Variants in ORMDL2 observed in about 807,000 individuals in gnomAD.
ORMDL2 encodes ORMDL sphingolipid biosynthesis regulator 2.
In ORMDL2, 11 loss-of-function variants were observed where a neutral mutation model predicts 13.5. The observed-to-expected ratio is 0.82, with a 90% confidence interval of 0.51 to 1.35. ORMDL2 has a LOEUF of 1.35. ORMDL2 is among the 40% of genes most tolerant of loss of function. ORMDL2 has a pLI of 0.00. For synonymous variants in ORMDL2, 73 were observed against 76.5 expected (o/e 0.95, Z 0.24); for missense variants, 160 against 191.1 (o/e 0.84, Z 0.96).
Position 55,820,315 on chromosome 12 carries a change from A to G in ORMDL2, c.382A>G (p.Thr128Ala), listed in dbSNP as rs927816786. 2 of 1,613,796 alleles carry G rather than the reference A, an allele frequency of 1.2e-6. No homozygotes were observed. Among genetic ancestry groups the G allele is most frequent in the African/African-American group, 2.7e-5 (2 of 74,880 alleles). The change falls in exon 4 of 4, where the codon ACA (threonine) becomes GCA (alanine). Residue 128 changes from threonine to alanine, a missense_variant. Thr to Ala is a moderately conservative substitution (Grantham distance 58). Transcript: ENST00000243045. The part of the protein sequence containing the change: ...KYDAAHFLIN[T>A]ASLLSVLLPK... ...TGATGCTGCGCACTTCCTCATCAAC[A>G]CAGCCTCATTGCTAAGTGTACTGCT... is the stretch of plus-strand genomic sequence containing the variant.
In ORMDL2 at chr12:55,819,462, C is replaced by G; in HGVS notation, c.295C>G (p.Arg99Gly). Residue 99 changes from arginine (R) to glycine (G), a missense_variant, in exon 3 of 4, where the codon CGC (arginine) becomes GGC (glycine). Coordinates refer to ENST00000243045, the MANE Select transcript of ORMDL2 (RefSeq NM_014182.5). ...MDYGLQFTSS[R>G]KFLSISPIVL... ...CTATGGGCTCCAGTTTACCTCTTCC[C>G]GCAAGTTCCTCAGCATCTCTCCTAT... The G allele has an allele frequency of 6.2e-7, 1 of 1,614,030 alleles. No homozygotes were observed. The highest frequency in any genetic ancestry group is 1.1e-5 in the South Asian group (1 of 91,086).
At chr12:55,819,630 A>G in intron 3 of ORMDL2, 137 bp downstream of exon 3, 1 of 723,406 alleles carries the variant, frequency 1.4e-6, no homozygotes, top group Non-Finnish European at 2.3e-6. Flanking sequence ...TACTAGTTCT[A>G]AGCCTACAGA....
At chr12:55,818,966 C>A in intron 1 of ORMDL2, 33 bp from the exon 2 acceptor site, 1 of 1,596,320 alleles carries the variant, frequency 6.3e-7, no homozygotes, top group Non-Finnish European at 8.6e-7. Context: ...AAAAACTGAG[C>A]TGGACTCCTG....
At position 55,819,494 on chromosome 12, in the gene ORMDL2, G is replaced by A; in HGVS notation, c.326+1G>A. On this transcript the variant is annotated splice_donor_variant, in intron 3 of 3. Coordinates refer to ENST00000243045, the MANE Select transcript of ORMDL2 (RefSeq NM_014182.5). LOFTEE classifies it high-confidence loss of function. ...TCCTCAGCATCTCTCCTATTGTGCT[G>A]TGAGTCTATGGGGGAAATGAGATAT... is the stretch of plus-strand genomic sequence containing the variant. 6.2e-7 allele frequency: 1 copy of A among 1,613,514 alleles called. No homozygotes were observed. The highest frequency in any genetic ancestry group is 1.3e-5 in the African/African-American group (1 of 75,012).
chr12:55,819,920 C>G (rs1028681759), intron 3 of ORMDL2, among the ~76,000 whole-genome samples: 3 of 152,150 alleles, frequency 2.0e-5, no homozygotes, highest in Non-Finnish European at 4.4e-5. Flanking sequence ...CTTACAGTCT[C>G]CAGTTAAGGG....
rs1055416105 is a variant in ORMDL2, at chr12:55,818,993, G to A, written c.-1-6G>A. 1.4e-5 allele frequency: 23 copies of A among 1,610,920 alleles called. No individual in the cohort carries two copies. The highest frequency in any genetic ancestry group is 5.0e-5 in the Admixed American group (3 of 59,932). On this transcript the variant is annotated splice_region_variant and splice_polypyrimidine_tract_variant and intron_variant, in intron 1 of 3. Coordinates refer to ENST00000243045, the MANE Select transcript of ORMDL2 (RefSeq NM_014182.5). ...GGACTCCTGCCTGATCCCCCATTAC[G>A]GCTAGGATGAATGTGGGGGTGGCAC...
Position 55,821,048 on chromosome 12 carries a change from A to G in ORMDL2, c.*653A>G, listed in dbSNP as rs1880651418. 1 of 152,666 alleles carries G rather than the reference A, an allele frequency of 6.6e-6. No individual in the cohort carries two copies. The highest frequency in any genetic ancestry group is 2.4e-5 in the African/African-American group (1 of 41,444). The allele number at this position is 152,666 out of a possible 1,614,324, so 9.5% of individuals were successfully genotyped here. A position where few individuals can be genotyped will look rare whatever the true frequency, so the allele number is the denominator to read the frequency against. On this transcript the variant is annotated 3_prime_UTR_variant, in exon 4 of 4. Transcript: ENST00000243045. Reference sequence around the variant, plus strand: ...TTTAAATAGTCATGTACATACAAATATGAACAAACTTAAAAAAAAAATACA... The same window carrying G: ...TTTAAATAGTCATGTACATACAAATGTGAACAAACTTAAAAAAAAAATACA...
In ORMDL2 at chr12:55,819,134, TC is replaced by T. The variant is rs1245034074; in HGVS notation, c.137del (p.Pro46LeufsTer6). On this transcript the variant is annotated frameshift_variant, in exon 2 of 4. Transcript: ENST00000243045. LOFTEE classifies it high-confidence loss of function. ...VLLSIPFFSIPVVWTLTNVIH... is the reference protein window; with the variant it reads ...VLLSIPFFSIXVVWTLTNVIH... ...TACTCAGCATCCCCTTCTTCAGCAT[TC>T]CTGTTGTCTGGACCCTGACCAACGT... is the stretch of plus-strand genomic sequence containing the variant. The T allele has an allele frequency of 1.1e-5, 17 of 1,614,046 alleles. No homozygotes were observed. Among genetic ancestry groups the T allele is most frequent in the Middle Eastern group, 1.6e-4 (1 of 6,082 alleles).
At chr12:55,819,949 A>G (rs1482217110) in intron 3 of ORMDL2, among the ~76,000 whole-genome samples, 2 of 152,260 alleles carry the variant, frequency 1.3e-5, no homozygotes, top group Non-Finnish European at 2.9e-5. Context: ...CCTGAACCCC[A>G]AAGTAAATGC....
intron 1 of ORMDL2, 64 bp from the exon 2 acceptor site, chr12:55,818,935 A>G (rs1237333217): frequency 7.1e-7 from 1 of 1,415,528 alleles, no homozygotes; most frequent in Non-Finnish European, 9.9e-7. Flanking sequence ...CAACTGGGAG[A>G]TAGCTCAAGA....
intron 3 of ORMDL2, 150 bp downstream of exon 3, chr12:55,819,643 G>T: frequency 1.5e-6 from 1 of 665,140 alleles, no homozygotes; most frequent in Non-Finnish European, 2.5e-6. Flanking sequence ...CCTACAGAGA[G>T]CAGTAAAATG....
chr12:55,818,102 T>A lies in ORMDL2; in HGVS notation c.-12T>A. The stretch of plus-strand genomic sequence containing the variant: ...CCGCGCCCATAGCCGGACGGGGATC[T>A]GAGCTGGCAGGTAGGAGCTGCAAAG... On this transcript the variant is annotated 5_prime_UTR_variant, in exon 1 of 4. Coordinates refer to ENST00000243045, the MANE Select transcript of ORMDL2 (RefSeq NM_014182.5). 2.0e-6 allele frequency: 1 copy of A among 492,910 alleles called. No homozygotes were observed. 30.5% of individuals were successfully genotyped at this position (492,910 alleles called of 1,614,324 possible).
intron 3 of ORMDL2, among the ~76,000 whole-genome samples, chr12:55,819,782 A>C (rs930786278): frequency 6.6e-6 from 1 of 152,212 alleles, no homozygotes; most frequent in South Asian, 2.1e-4. Context: ...GAAGTAAATA[A>C]AGGCAGAACT....
At chr12:55,820,226 C>G in intron 3 of ORMDL2, 34 bp from the exon 4 acceptor site, 1 of 1,588,526 alleles carries the variant, frequency 6.3e-7, no homozygotes, top group Non-Finnish European at 8.6e-7. Context: ...TAGAGAAGGT[C>G]AACCTCACTC....
At position 55,820,296 on chromosome 12, in the gene ORMDL2, T is replaced by A. The variant is rs145457304; in HGVS notation, c.363T>A (p.Ala121=). The change falls in exon 4 of 4, where the codon GCT becomes GCA. Residue 121 remains alanine, a synonymous_variant. Transcript: ENST00000243045. ...CCAGCTTCTATACCAAGTATGATGC[T>A]GCGCACTTCCTCATCAACACAGCCT... ...LLASFYTKYD[A]AHFLINTASL... The A allele has an allele frequency of 1.5e-3, 2,342 of 1,614,004 alleles. 3 individuals are homozygous for A. The highest frequency in any genetic ancestry group is 5.0e-3 in the Middle Eastern group (30 of 5,996).
Position 55,819,334 on chromosome 12 carries a change from G to A in ORMDL2, c.175-8G>A, listed in dbSNP as rs746279794. 1.2e-6 allele frequency: 2 copies of A among 1,611,908 alleles called. No homozygotes were observed. Among genetic ancestry groups the A allele is most frequent in the Non-Finnish European group, 1.7e-6 (2 of 1,178,476 alleles). ...TGCCCCTCACACTGCCACCTTCCCT[G>A]TTCCCAGGCTACGTATGTCTTCCTT... On this transcript the variant is annotated splice_polypyrimidine_tract_variant and splice_region_variant and intron_variant, in intron 2 of 3. Coordinates refer to ENST00000243045, the MANE Select transcript of ORMDL2 (RefSeq NM_014182.5).
At chr12:55,819,537 T>C in intron 3 of ORMDL2, 44 bp downstream of exon 3, 4 of 1,580,018 alleles carry the variant, frequency 2.5e-6, no homozygotes, top group Non-Finnish European at 3.5e-6. Flanking sequence ...TAGAAAGAGC[T>C]CCAAGAGCCA....
At chr12:55,818,166 A>G (rs955230890) in intron 1 of ORMDL2, 54 bp downstream of exon 1, 11 of 454,418 alleles carry the variant, frequency 2.4e-5, no homozygotes, top group Middle Eastern at 6.6e-4. Flanking sequence ...GGGAGGCGAA[A>G]GGGGCGCCGA....
At position 55,819,503 on chromosome 12, in the gene ORMDL2, T is replaced by C; in HGVS notation, c.326+10T>C. ...TCTCTCCTATTGTGCTGTGAGTCTATGGGGGAAATGAGATATGCTGGGTTA... is the reference window on the plus strand; with the variant it reads ...TCTCTCCTATTGTGCTGTGAGTCTACGGGGGAAATGAGATATGCTGGGTTA... On this transcript the variant is annotated intron_variant, in intron 3 of 3. Transcript: ENST00000243045. 6.2e-7 allele frequency: 1 copy of C among 1,612,016 alleles called. No homozygotes were observed. Among genetic ancestry groups the C allele is most frequent in the East Asian group, 2.2e-5 (1 of 44,848 alleles).
Sources: gnomAD v4.1 joint callset for allele counts (sites outside exome capture counted in the v4.1 genomes callset) on GRCh38, gnomAD v4.1.1 for gene constraint, MANE v1.5 for transcripts, NCBI Gene and HGNC (gene_info 2026-07-23, HGNC 2026-07-21) for gene names.